The following MDFIC2 variants were observed in gnomAD, a reference collection of about 807,000 sequenced individuals.
MDFIC2 encodes MyoD family inhibitor domain containing 2, also known as myoD family inhibitor domain-containing protein 2.
intron 2 of MDFIC2, among the ~76,000 whole-genome samples, chr3:70,252,685 A>ATATT (rs1196806246): frequency 1.3e-5 from 2 of 152,094 alleles, no homozygotes; most frequent in Non-Finnish European, 2.9e-5. Context: ...GTATTGCCCT[A>ATATT]TGTTTATTTA....
intron 2 of MDFIC2, among the ~76,000 whole-genome samples, chr3:70,297,081 A>G (rs1702296826): frequency 6.6e-6 from 1 of 152,070 alleles, no homozygotes; most frequent in African/African-American, 2.4e-5. Flanking sequence ...TTCCTTATCA[A>G]AATGTTCTTT....
At chr3:70,225,368 G>A (rs1701494238) in intron 2 of MDFIC2, among the ~76,000 whole-genome samples, 1 of 152,156 alleles carries the variant, frequency 6.6e-6, no homozygotes, top group South Asian at 2.1e-4. Context: ...TGCCGTTCAA[G>A]TCGCTAGAAT....
chr3:70,267,578 A>AC (rs1701930079), intron 2 of MDFIC2, among the ~76,000 whole-genome samples: 1 of 132,806 alleles, frequency 7.5e-6, no homozygotes, highest in Non-Finnish European at 1.5e-5. Flanking sequence ...AATTTTTTGT[A>AC]TTTTTTTTTT....
At chr3:70,238,424 A>C (rs1369869939) in intron 2 of MDFIC2, among the ~76,000 whole-genome samples, 1 of 151,986 alleles carries the variant, frequency 6.6e-6, no homozygotes, top group Non-Finnish European at 1.5e-5. Context: ...GCCTGGCAAC[A>C]TGTAGAAATC....
At chr3:70,236,300 A>G (rs1191332834) in intron 2 of MDFIC2, among the ~76,000 whole-genome samples, 4 of 152,178 alleles carry the variant, frequency 2.6e-5, no homozygotes, top group East Asian at 1.9e-4. Context: ...AACTCCCTGC[A>G]CTTAAAAAAG....
chr3:70,286,845 T>G (rs1273864623), intron 2 of MDFIC2, among the ~76,000 whole-genome samples: 1 of 152,152 alleles, frequency 6.6e-6, no homozygotes, highest in Non-Finnish European at 1.5e-5. Context: ...TTCTCATGAT[T>G]TGGCTCTCTG....
intron 2 of MDFIC2, among the ~76,000 whole-genome samples, chr3:70,311,267 C>A (rs1370816500): frequency 6.6e-6 from 1 of 152,070 alleles, no homozygotes; most frequent in Non-Finnish European, 1.5e-5. Context: ...TAAAAGTGAT[C>A]ATAAAATCAA....
At chr3:70,295,900 A>T (rs966209376) in intron 2 of MDFIC2, among the ~76,000 whole-genome samples, 1 of 152,148 alleles carries the variant, frequency 6.6e-6, no homozygotes, top group African/African-American at 2.4e-5. Flanking sequence ...CTTGTTTCCC[A>T]TACTTGCTCA....
At chr3:70,244,412 G>A (rs369281296) in intron 2 of MDFIC2, among the ~76,000 whole-genome samples, 1 of 152,072 alleles carries the variant, frequency 6.6e-6, no homozygotes, top group Non-Finnish European at 1.5e-5. Flanking sequence ...CATTCTATTT[G>A]CTACTGAAAT....
intron 2 of MDFIC2, among the ~76,000 whole-genome samples, chr3:70,282,273 G>T (rs1309817545): frequency 6.6e-6 from 1 of 152,122 alleles, no homozygotes; most frequent in African/African-American, 2.4e-5. Flanking sequence ...GGAACACCTG[G>T]TGTTTCAGTA....
chr3:70,247,907 A>G (rs1036852224), intron 2 of MDFIC2, among the ~76,000 whole-genome samples: 3 of 152,102 alleles, frequency 2.0e-5, no homozygotes, highest in Non-Finnish European at 2.9e-5. Context: ...TGTTTTCTGT[A>G]GTAAAGAGAT....
chr3:70,297,441 C>G (rs1489606558), intron 2 of MDFIC2, among the ~76,000 whole-genome samples: 1 of 152,022 alleles, frequency 6.6e-6, no homozygotes, highest in Non-Finnish European at 1.5e-5. Context: ...CTGCTTAACC[C>G]TCACGTTGTT....
intron 2 of MDFIC2, among the ~76,000 whole-genome samples, chr3:70,208,344 G>T (rs1277415681): frequency 6.6e-6 from 1 of 152,024 alleles, no homozygotes; most frequent in Non-Finnish European, 1.5e-5. Context: ...GCAGCTCAGT[G>T]CAAGGAACAT....
intron 2 of MDFIC2, among the ~76,000 whole-genome samples, chr3:70,288,970 G>T (rs1464366028): frequency 2.6e-5 from 4 of 152,014 alleles, no homozygotes; most frequent in Admixed American, 6.6e-5. Flanking sequence ...CGTGAGATGG[G>T]TTTCCTGAAT....
intron 2 of MDFIC2, among the ~76,000 whole-genome samples, chr3:70,279,758 C>G (rs146623850): frequency 1.3e-5 from 2 of 152,270 alleles, no homozygotes; most frequent in African/African-American, 4.8e-5. Context: ...GGCATAAATG[C>G]CATCCCTCTT....
chr3:70,220,464 T>C (rs1003612844), intron 2 of MDFIC2, among the ~76,000 whole-genome samples: 9 of 152,140 alleles, frequency 5.9e-5, no homozygotes, highest in Admixed American at 3.3e-4. Context: ...CTTCAAGTTA[T>C]ATTTTTGCTG....
At chr3:70,295,003 G>A (rs1462190325) in intron 2 of MDFIC2, among the ~76,000 whole-genome samples, 1 of 152,102 alleles carries the variant, frequency 6.6e-6, no homozygotes, top group Non-Finnish European at 1.5e-5. Context: ...TAGCAGATGG[G>A]TTCTCATGTC....
At chr3:70,261,913 C>T (rs1575609354) in intron 2 of MDFIC2, among the ~76,000 whole-genome samples, 2 of 152,124 alleles carry the variant, frequency 1.3e-5, no homozygotes, top group East Asian at 1.9e-4. Context: ...CTGTTTCATA[C>T]CTTACCATAA....
chr3:70,303,404 A>AG (rs1269369463), intron 2 of MDFIC2, among the ~76,000 whole-genome samples: 1 of 152,128 alleles, frequency 6.6e-6, no homozygotes, highest in Non-Finnish European at 1.5e-5. Flanking sequence ...GGAGAATAGG[A>AG]GGAAAAAAAA....
Sources: allele counts gnomAD v4.1 joint callset (sites outside exome capture counted in the v4.1 genomes callset), GRCh38; gene constraint gnomAD v4.1.1; transcripts MANE v1.5; gene names NCBI Gene and HGNC (gene_info 2026-07-23, HGNC 2026-07-21).